The following PHKB variants were observed in gnomAD, a reference collection of about 807,000 sequenced individuals.
The protein encoded by PHKB is phosphorylase b kinase regulatory subunit beta.
A neutral mutation model predicts 152.1 loss-of-function variants in PHKB; 122 were observed. The observed-to-expected ratio is 0.80, with a 90% CI of 0.69 to 0.93. PHKB has a LOEUF of 0.93. Among genes scored for constraint, PHKB ranks in the 40% least tolerant of loss-of-function variants. The pLI, the probability that PHKB is intolerant of heterozygous loss-of-function variation, is 0.00. For missense variants in PHKB, 1,304 were observed against 1,328.4 expected, an observed-to-expected ratio of 0.98 and a Z score of 0.29; for synonymous variants, 436 against 464.9, an observed-to-expected ratio of 0.94 and a Z score of 0.80.
At chr16:47,535,246 T>C in intron 6 of PHKB, among the ~76,000 whole-genome samples, 1 of 152,322 alleles carries the variant, frequency 6.6e-6, no homozygotes, top group South Asian at 2.1e-4. Flanking sequence ...CCTGAAATGT[T>C]TCTAGTGGTA....
chr16:47,468,892 A>G (rs186284167), intron 1 of PHKB, among the ~76,000 whole-genome samples: 33 of 152,242 alleles, frequency 2.2e-4, no homozygotes, highest in East Asian at 1.5e-3. Context: ...AGCTCTCTAT[A>G]CTGCTGTTTG....
chr16:47,607,757 CTG>C (rs1183748425), intron 13 of PHKB, among the ~76,000 whole-genome samples: 1 of 152,244 alleles, frequency 6.6e-6, no homozygotes, highest in East Asian at 1.9e-4. Context: ...AACTTCCAGA[CTG>C]TTTTCCAAAG....
intron 6 of PHKB, among the ~76,000 whole-genome samples, chr16:47,527,813 G>C (rs934990210): frequency 6.6e-6 from 1 of 152,128 alleles, no homozygotes; most frequent in African/African-American, 2.4e-5. Flanking sequence ...TTTTGATGTA[G>C]AAAGGAATAC....
At chr16:47,590,917 C>T (rs1972018083) in intron 10 of PHKB, 1 of 152,186 alleles carries the variant, frequency 6.6e-6, no homozygotes, top group South Asian at 2.1e-4. Context: ...TTATTTTCTA[C>T]TTGATAGCCT....
chr16:47,554,525 C>A (rs1042771934), intron 7 of PHKB, among the ~76,000 whole-genome samples: 1 of 152,006 alleles, frequency 6.6e-6, no homozygotes, highest in Admixed American at 6.6e-5. Flanking sequence ...GGGGAGTGAA[C>A]GGTTCTGTCT....
At position 47,565,897 on chromosome 16, in the gene PHKB, G is replaced by T. The variant is rs796873890; in HGVS notation, c.711-14398G>T. 6.1e-6 allele frequency: 7 copies of T among 1,141,176 alleles called. No homozygotes were observed. In the African/African-American group the frequency reaches 1.1e-4, roughly 18 times the overall value. The allele number at this position is 1,141,176 out of a possible 1,614,324, so 70.7% of individuals were successfully genotyped here. A position where few individuals can be genotyped will look rare whatever the true frequency, so the allele number is the denominator to read the frequency against. ...TTATCTTCCTTAGGAGTACTCTGAG[G>T]CTTTAGATTCAGTTTGGGTCTTTGT... On this transcript the variant is annotated intron_variant, in intron 7 of 30. Coordinates refer to ENST00000323584, the MANE Select transcript of PHKB (RefSeq NM_000293.3).
chr16:47,470,741 A>T (rs1213402426), intron 1 of PHKB, among the ~76,000 whole-genome samples: 3 of 152,286 alleles, frequency 2.0e-5, no homozygotes, highest in Non-Finnish European at 4.4e-5. Flanking sequence ...TAAATAAACA[A>T]CAGTGGTTAC....
intron 14 of PHKB, among the ~76,000 whole-genome samples, chr16:47,612,988 G>A (rs1972455052): frequency 6.6e-6 from 1 of 152,152 alleles, no homozygotes; most frequent in Non-Finnish European, 1.5e-5. Context: ...GTCAGATTTT[G>A]TAACTAACTG....
At chr16:47,631,152 T>C (rs1972818863) in intron 14 of PHKB, among the ~76,000 whole-genome samples, 1 of 152,158 alleles carries the variant, frequency 6.6e-6, no homozygotes. Flanking sequence ...CCTCTCTCTC[T>C]TTCCTGTTTC....
chr16:47,631,481 ACT>A (rs1972825750), intron 14 of PHKB, among the ~76,000 whole-genome samples: 1 of 152,070 alleles, frequency 6.6e-6, no homozygotes, highest in African/African-American at 2.4e-5. Flanking sequence ...TAATGAGATA[ACT>A]CTTTTTTTAT....
At chr16:47,609,539 ATGTGTGTGTG>A (rs1245063995) in intron 13 of PHKB, among the ~76,000 whole-genome samples, 1 of 144,504 alleles carries the variant, frequency 6.9e-6, no homozygotes, top group Non-Finnish European at 1.5e-5. Context: ...CTATGTGTGG[ATGTGTGTGTG>A]TGTTTGTGTG....
rs148606665 is a variant in PHKB, at chr16:47,601,225, G to T, written c.1363+4694G>T. On this transcript the variant is annotated intron_variant, in intron 13 of 30. Coordinates refer to ENST00000323584, the MANE Select transcript of PHKB (RefSeq NM_000293.3). The stretch of plus-strand genomic sequence containing the variant: ...GAGTGAGACCCTGTCTCAAAAAATT[G>T]CTTGAAAATCTTGATGTTTGAATTG... Among the ~76,000 whole-genome samples, 79 of 152,198 alleles carry T rather than the reference G, an allele frequency of 5.2e-4. 1 individual carries two copies. In the East Asian group the frequency reaches 0.01, roughly 20 times the overall value.
At chr16:47,693,577 C>T in intron 28 of PHKB, 70 bp downstream of exon 28, 4 of 1,493,136 alleles carry the variant, frequency 2.7e-6, no homozygotes, top group Middle Eastern at 4.4e-4. Flanking sequence ...TCCTCTTGCA[C>T]TGCAAATAAC....
At chr16:47,569,702 C>G (rs1258069001) in intron 7 of PHKB, among the ~76,000 whole-genome samples, 1 of 152,180 alleles carries the variant, frequency 6.6e-6, no homozygotes, top group African/African-American at 2.4e-5. Flanking sequence ...TCACTACAAA[C>G]TCTGCCCTCC....
intron 13 of PHKB, chr16:47,598,777 T>C (rs1343603068): frequency 4.4e-6 from 7 of 1,582,852 alleles, no homozygotes; most frequent in Non-Finnish European, 6.1e-6. Flanking sequence ...CTCTTCTAAT[T>C]GACTGCCTTG....
At chr16:47,557,902 A>G (rs1971405310) in intron 7 of PHKB, among the ~76,000 whole-genome samples, 2 of 152,218 alleles carry the variant, frequency 1.3e-5, no homozygotes, top group African/African-American at 4.8e-5. Context: ...CCAAGGAATT[A>G]TAAATCATGC....
intron 7 of PHKB, chr16:47,566,238 A>T (rs1597090567): frequency 1.2e-6 from 1 of 819,948 alleles, no homozygotes; most frequent in Non-Finnish European, 2.1e-6. Context: ...CTTGTCTCCA[A>T]AGCTATCATC....
chr16:47,594,051 C>G (rs916391346), intron 11 of PHKB, 86 bp from the exon 12 acceptor site: 2 of 697,606 alleles, frequency 2.9e-6, no homozygotes, highest in Middle Eastern at 3.7e-4. Flanking sequence ...ATAATTGTAA[C>G]TGGGCTAATA....
intron 4 of PHKB, among the ~76,000 whole-genome samples, chr16:47,504,752 T>C (rs1970381781): frequency 6.6e-6 from 1 of 152,092 alleles, no homozygotes; most frequent in Non-Finnish European, 1.5e-5. Flanking sequence ...CTCATGTGAG[T>C]GAGTCAGTGT....
Sources: allele counts gnomAD v4.1 joint callset (sites outside exome capture counted in the v4.1 genomes callset), GRCh38; gene constraint gnomAD v4.1.1; transcripts MANE v1.5; gene names NCBI Gene and HGNC (gene_info 2026-07-23, HGNC 2026-07-21).